Variants in PDE11A observed in about 807,000 individuals in gnomAD.
PDE11A encodes phosphodiesterase 11A, also known as dual 3',5'-cyclic-AMP and -GMP phosphodiesterase 11A.
A neutral mutation model predicts 100.5 loss-of-function variants in PDE11A; 100 were observed. That is an observed-to-expected ratio of 1.00 (90% CI 0.85 to 1.18). The LOEUF (loss-of-function observed/expected upper bound fraction) is 1.18. PDE11A is among the 50% of genes most tolerant of loss of function. The probability of loss-of-function intolerance (pLI) is 0.00; values close to 1 mark genes in which losing one functional copy is unlikely to be tolerated. For synonymous variants in PDE11A, 381 were observed against 420.8 expected, an observed-to-expected ratio of 0.91 and a Z score of 1.16; for missense variants, 1,141 against 1,152.6, an observed-to-expected ratio of 0.99 and a Z score of 0.15.
intron 19 of PDE11A, among the ~76,000 whole-genome samples, chr2:177,646,320 C>T (rs2080222862): frequency 6.6e-6 from 1 of 152,146 alleles, no homozygotes; most frequent in Admixed American, 6.5e-5. Context: ...CACCTGTTTG[C>T]TTGCTGTGAT....
At chr2:177,700,705 T>C (rs1350045438) in intron 14 of PDE11A, among the ~76,000 whole-genome samples, 1 of 152,234 alleles carries the variant, frequency 6.6e-6, no homozygotes, top group Non-Finnish European at 1.5e-5. Context: ...GAAGTGTAAC[T>C]TTCTCACTCT....
intron 19 of PDE11A, among the ~76,000 whole-genome samples, chr2:177,634,027 C>T (rs1197679085): frequency 2.0e-5 from 3 of 152,100 alleles, no homozygotes; most frequent in Non-Finnish European, 4.4e-5. Flanking sequence ...TTAAAAGCAA[C>T]ACATTTTTTT....
At chr2:177,964,874 T>C (rs2085679429) in intron 2 of PDE11A, among the ~76,000 whole-genome samples, 1 of 152,234 alleles carries the variant, frequency 6.6e-6, no homozygotes, top group African/African-American at 2.4e-5. Context: ...TCTATTCCTT[T>C]GGGTATATAC....
rs560276287 is a variant in PDE11A at position 177,761,136 on chromosome 2, C to A, written c.1788+8187G>T. ...GCTGAATCAACTAAGAGTTAAAGGGCAAGGGGCTTTTGCCTCCAGCGGGGA... is the reference window on the plus strand; with the variant it reads ...GCTGAATCAACTAAGAGTTAAAGGGAAAGGGGCTTTTGCCTCCAGCGGGGA... On this transcript the variant is annotated intron_variant, in intron 10 of 19. Transcript: ENST00000286063. 9.9e-5 allele frequency among the ~76,000 whole-genome samples: 15 copies of A among 152,146 alleles called. 1 individual carries two copies. In the South Asian group the frequency reaches 3.1e-3, roughly 32 times the overall value.
chr2:177,836,216 A>T (rs895923857), intron 6 of PDE11A, among the ~76,000 whole-genome samples: 4 of 152,124 alleles, frequency 2.6e-5, no homozygotes, highest in Non-Finnish European at 4.4e-5. Flanking sequence ...TGTCTAGCTC[A>T]AGGTTTGTAA....
intron 6 of PDE11A, among the ~76,000 whole-genome samples, chr2:177,832,229 G>C (rs1429906443): frequency 6.6e-6 from 1 of 152,220 alleles, no homozygotes; most frequent in African/African-American, 2.4e-5. Context: ...TTGATCCTAG[G>C]TGTGTCTGTA....
intron 2 of PDE11A, among the ~76,000 whole-genome samples, chr2:177,986,337 C>T (rs1266516649): frequency 6.6e-6 from 1 of 152,172 alleles, no homozygotes; most frequent in Non-Finnish European, 1.5e-5. Context: ...CAAACAGAAG[C>T]ATCTCTAGCA....
intron 2 of PDE11A, among the ~76,000 whole-genome samples, chr2:177,985,542 A>G (rs908673119): frequency 1.3e-5 from 2 of 152,210 alleles, no homozygotes; most frequent in African/African-American, 4.8e-5. Flanking sequence ...CTCACTTGCA[A>G]TGGCATTTTG....
At chr2:177,661,114 C>T (rs913724124) in intron 19 of PDE11A, among the ~76,000 whole-genome samples, 1 of 152,216 alleles carries the variant, frequency 6.6e-6, no homozygotes, top group Non-Finnish European at 1.5e-5. Flanking sequence ...TGCCACCCAA[C>T]CTTGCCCTAC....
At chr2:177,861,199 T>G (rs1186823014) in intron 5 of PDE11A, among the ~76,000 whole-genome samples, 1 of 151,702 alleles carries the variant, frequency 6.6e-6, no homozygotes, top group African/African-American at 2.4e-5. Flanking sequence ...TTTTAAGGAA[T>G]TCAGAAAAAA....
chr2:177,802,290 A>C (rs1574157432), intron 9 of PDE11A, among the ~76,000 whole-genome samples: 1 of 152,060 alleles, frequency 6.6e-6, no homozygotes, highest in East Asian at 1.9e-4. Context: ...ACTTTGGAAA[A>C]ATATATACCT....
At chr2:177,940,439 G>T (rs1398014204) in intron 2 of PDE11A, among the ~76,000 whole-genome samples, 1 of 152,140 alleles carries the variant, frequency 6.6e-6, no homozygotes, top group East Asian at 1.9e-4. Context: ...AGAGTCCTGA[G>T]AACTGATTCT....
intron 2 of PDE11A, among the ~76,000 whole-genome samples, chr2:177,912,996 G>C (rs1175581663): frequency 6.6e-6 from 1 of 152,182 alleles, no homozygotes; most frequent in Non-Finnish European, 1.5e-5. Flanking sequence ...GGGCATAGGG[G>C]ATCTTATTGG....
intron 10 of PDE11A, among the ~76,000 whole-genome samples, chr2:177,756,642 T>C (rs2082094097): frequency 6.6e-6 from 1 of 152,192 alleles, no homozygotes; most frequent in Admixed American, 6.5e-5. Context: ...AATTATAGTA[T>C]GTGTTAGGAA....
intron 15 of PDE11A, among the ~76,000 whole-genome samples, chr2:177,685,353 A>G (rs1001644282): frequency 1.3e-5 from 2 of 152,170 alleles, no homozygotes; most frequent in African/African-American, 4.8e-5. Flanking sequence ...AGATTCTAAC[A>G]TGAACCAAAT....
At chr2:177,715,136 G>A (rs1241711977) in intron 12 of PDE11A, among the ~76,000 whole-genome samples, 2 of 152,188 alleles carry the variant, frequency 1.3e-5, no homozygotes, top group Admixed American at 6.5e-5. Context: ...GGATTTGCAT[G>A]ACTGAAAAAA....
At chr2:177,993,487 T>C (rs778265968) in intron 2 of PDE11A, among the ~76,000 whole-genome samples, 2 of 152,214 alleles carry the variant, frequency 1.3e-5, no homozygotes, top group Non-Finnish European at 2.9e-5. Flanking sequence ...AATTTTTCTG[T>C]AAGGATTGAT....
chr2:177,739,080 A>G (rs182656290), intron 10 of PDE11A, among the ~76,000 whole-genome samples: 3 of 152,346 alleles, frequency 2.0e-5, no homozygotes, highest in Admixed American at 6.5e-5. Context: ...CTTAACGCAC[A>G]AAAGACAGCA....
chr2:177,898,694 G>T (rs2084651358), intron 3 of PDE11A, among the ~76,000 whole-genome samples: 4 of 152,066 alleles, frequency 2.6e-5, no homozygotes, highest in Admixed American at 2.6e-4. Context: ...CTCACACAAG[G>T]ACTCCATAGC....
Sources: allele counts gnomAD v4.1 joint callset (sites outside exome capture counted in the v4.1 genomes callset), GRCh38; gene constraint gnomAD v4.1.1; transcripts MANE v1.5; gene names NCBI Gene and HGNC (gene_info 2026-07-23, HGNC 2026-07-21).